PTPRS: variants seen among roughly 807,000 people sequenced by gnomAD.
The protein encoded by PTPRS is receptor-type tyrosine-protein phosphatase S.
In PTPRS, 63 loss-of-function variants were observed where a neutral mutation model predicts 215.3. The ratio of observed to expected loss-of-function variants is 0.29; its 90% CI spans 0.24 to 0.36. The LOEUF is 0.36. PTPRS is among the 10% of genes least tolerant of loss of function. The pLI, the probability that PTPRS is intolerant of heterozygous loss-of-function variation, is 1.00. For missense variants in PTPRS, 2,258 were observed against 2,825.8 expected (o/e 0.80, Z 4.56); for synonymous variants, 1,404 against 1,191.4 (o/e 1.18, Z -3.68).
At chr19:5,318,677 G>C (rs1369913469) in intron 1 of PTPRS, among the ~76,000 whole-genome samples, 1 of 152,128 alleles carries the variant, frequency 6.6e-6, no homozygotes, top group Non-Finnish European at 1.5e-5. Context: ...TTGAAAGACA[G>C]GGTCTCGCTC....
intron 11 of PTPRS, among the ~76,000 whole-genome samples, chr19:5,241,757 C>A (rs184129972): frequency 6.6e-6 from 1 of 152,300 alleles, no homozygotes; most frequent in African/African-American, 2.4e-5. Flanking sequence ...GAGCTGGGGT[C>A]CCCCATGCCT....
intron 1 of PTPRS, chr19:5,286,492 G>C: frequency 3.3e-6 from 1 of 306,734 alleles, no homozygotes; most frequent in South Asian, 3.9e-5. Context: ...TGGAGTGTTT[G>C]GGAAGTGACT....
intron 2 of PTPRS, among the ~76,000 whole-genome samples, chr19:5,275,801 G>A (rs922388434): frequency 7.2e-5 from 11 of 151,972 alleles, no homozygotes; most frequent in Admixed American, 1.3e-4. Context: ...GTGAGACTCC[G>A]TCTCAAAAAA....
intron 5 of PTPRS, among the ~76,000 whole-genome samples, 193 bp downstream of exon 5, chr19:5,264,815 T>C (rs987614320): frequency 7.2e-5 from 11 of 152,170 alleles, no homozygotes; most frequent in African/African-American, 2.7e-4. Context: ...CTCATGCCCA[T>C]CTGTGCCCCC....
At chr19:5,291,205 A>T (rs1394494468) in intron 1 of PTPRS, among the ~76,000 whole-genome samples, 1 of 152,162 alleles carries the variant, frequency 6.6e-6, no homozygotes, top group Non-Finnish European at 1.5e-5. Flanking sequence ...ACAGGGAACC[A>T]GGCCCAGCCC....
At chr19:5,290,202 G>A (rs754691821) in intron 1 of PTPRS, among the ~76,000 whole-genome samples, 4 of 152,204 alleles carry the variant, frequency 2.6e-5, no homozygotes, top group Non-Finnish European at 4.4e-5. Context: ...ACTAGCTCAC[G>A]GCAGCTGGTC....
At position 5,218,538 on chromosome 19, in the gene PTPRS, G is replaced by C. The variant is rs1319219847; in HGVS notation, c.3936-6C>G. On this transcript the variant is annotated splice_polypyrimidine_tract_variant and splice_region_variant and intron_variant, in intron 24 of 37. Coordinates refer to ENST00000262963, the MANE Select transcript of PTPRS (RefSeq NM_002850.4). Reference sequence around the variant, plus strand: ...GTTCTGAGTCCTTGCGTTTACTTTAGGAGAAGCAAGCGGAACAGTCCAGTT... The same window carrying C: ...GTTCTGAGTCCTTGCGTTTACTTTACGAGAAGCAAGCGGAACAGTCCAGTT... The C allele has an allele frequency of 6.2e-7, 1 of 1,613,962 alleles. No homozygotes were observed. Among genetic ancestry groups the C allele is most frequent in the African/African-American group, 1.3e-5 (1 of 75,028 alleles).
intron 9 of PTPRS, among the ~76,000 whole-genome samples, chr19:5,252,139 G>C (rs2045151746): frequency 6.6e-6 from 1 of 152,192 alleles, no homozygotes; most frequent in Non-Finnish European, 1.5e-5. Context: ...GAAGACCTGG[G>C]AATCGGGCAA....
At chr19:5,229,868 G>A (rs1388213564) in intron 14 of PTPRS, among the ~76,000 whole-genome samples, 184 bp from the exon 15 acceptor site, 2 of 151,420 alleles carry the variant, frequency 1.3e-5, no homozygotes, top group African/African-American at 4.9e-5. Context: ...ACAGCCCTGG[G>A]AGGGGCCCCT....
chr19:5,218,914 C>T (rs2041732846), intron 23 of PTPRS, 116 bp from the exon 24 acceptor site: 3 of 1,098,858 alleles, frequency 2.7e-6, no homozygotes, highest in Non-Finnish European at 3.9e-6. Flanking sequence ...CCTCTGTGAG[C>T]TTTGGTCTCC....
At chr19:5,331,126 TTTAAAA>T (rs1218751569) in intron 1 of PTPRS, among the ~76,000 whole-genome samples, 17 of 42,592 alleles carry the variant, frequency 4.0e-4, no homozygotes, top group African/African-American at 2.2e-3. Context: ...GGCTTCTTTT[TTTAAAA>T]AAAAAAAAAA....
Position 5,295,174 on chromosome 19 carries a change from G to A in PTPRS, c.-94-8940C>T, listed in dbSNP as rs561582364. Among the ~76,000 whole-genome samples, 9 of 152,326 alleles carry A rather than the reference G, an allele frequency of 5.9e-5. No homozygotes were observed. The East Asian group carries it at 9.6e-4, about 16-fold the overall frequency. Reference sequence around the variant, plus strand: ...AGAAAGCACCCGTACCTCTCGGGCCGACAGTTTCCCCATCTGCCACATAAG... The same window carrying A: ...AGAAAGCACCCGTACCTCTCGGGCCAACAGTTTCCCCATCTGCCACATAAG... On this transcript the variant is annotated intron_variant, in intron 1 of 37. Transcript: ENST00000262963. The surrounding 1 kb of genome is among the most constrained non-coding windows in gnomAD (Gnocchi z 4.6).
chr19:5,263,924 C>T (rs1173254162), intron 5 of PTPRS, among the ~76,000 whole-genome samples: 3 of 152,222 alleles, frequency 2.0e-5, no homozygotes, highest in African/African-American at 7.2e-5. Context: ...CAGGCCGGCA[C>T]AGGGAGCCCA....
At chr19:5,277,568 A>T (rs1014699439) in intron 2 of PTPRS, among the ~76,000 whole-genome samples, 33 of 151,664 alleles carry the variant, frequency 2.2e-4, no homozygotes, top group Non-Finnish European at 3.8e-4. Context: ...AGGCAGGAGA[A>T]TGGAGTGAAC....
chr19:5,332,508 G>A (rs1233591931), intron 1 of PTPRS, among the ~76,000 whole-genome samples: 2 of 152,208 alleles, frequency 1.3e-5, no homozygotes, highest in African/African-American at 4.8e-5. Flanking sequence ...GAGCCATTCA[G>A]GGCTTCCTTG....
Position 5,214,425 on chromosome 19 carries a change from T to C in PTPRS, c.4550A>G (p.Gln1517Arg), listed in dbSNP as rs1375370905. ...CTCGATGGTATCTAGCAACGTGACC[T>C]GGATGAAGCCGTAGGTCTCCGTGCC... ...NRGTETYGFI[Q>R]VTLLDTIELA... Residue 1517 changes from glutamine (Q) to arginine (R), a missense_variant, in exon 30 of 38, where the codon CAG (glutamine) becomes CGG (arginine). By Grantham distance (43) the Gln-to-Arg change is conservative. Coordinates refer to ENST00000262963, the MANE Select transcript of PTPRS (RefSeq NM_002850.4). The C allele has an allele frequency of 1.2e-6, 2 of 1,614,186 alleles. No individual in the cohort carries two copies. Among genetic ancestry groups the C allele is most frequent in the African/African-American group, 1.3e-5 (1 of 75,074 alleles).
chr19:5,269,359 C>T (rs1413788321), intron 4 of PTPRS, among the ~76,000 whole-genome samples: 3 of 152,048 alleles, frequency 2.0e-5, no homozygotes, highest in Non-Finnish European at 4.4e-5. Flanking sequence ...ACACTCTGCC[C>T]AGTTCCTCGG....
intron 2 of PTPRS, among the ~76,000 whole-genome samples, chr19:5,275,512 A>G (rs2047290028): frequency 2.7e-5 from 4 of 148,046 alleles, no homozygotes; most frequent in Admixed American, 2.0e-4. Context: ...TTGGCCTCCC[A>G]AGTAGCTGGG....
chr19:5,275,174 G>A (rs1255468102), intron 2 of PTPRS, among the ~76,000 whole-genome samples: 4 of 151,010 alleles, frequency 2.6e-5, no homozygotes, highest in Admixed American at 6.6e-5. Context: ...AGGTTCAAGC[G>A]ATTCTCCTGC....
Sources: gnomAD v4.1 joint callset for allele counts (sites outside exome capture counted in the v4.1 genomes callset) on GRCh38, gnomAD v4.1.1 for gene constraint, Gnocchi (gnomAD v3.1) non-coding constraint, MANE v1.5 for transcripts, NCBI Gene and HGNC (gene_info 2026-07-23, HGNC 2026-07-21) for gene names.